The following GRIK2 variants were observed in gnomAD, a reference collection of about 807,000 sequenced individuals.
GRIK2 encodes the protein glutamate ionotropic receptor kainate type subunit 2.
In GRIK2, 32 loss-of-function variants were observed where a neutral mutation model predicts 100.3. The observed-to-expected ratio is 0.32, with a 90% CI of 0.24 to 0.43. The LOEUF (loss-of-function observed/expected upper bound fraction) is 0.43, where lower values mean the gene tolerates loss of function less well. GRIK2 is among the 20% of genes least tolerant of loss of function. The probability of loss-of-function intolerance (pLI) is 1.00; values close to 1 mark genes in which losing one functional copy is unlikely to be tolerated. For missense variants in GRIK2, 843 were observed against 1,114.9 expected (o/e 0.76, Z 3.47); for synonymous variants, 417 against 389.4 (o/e 1.07, Z -0.83).
At chr6:101,925,999 T>G (rs1382248080) in intron 13 of GRIK2, among the ~76,000 whole-genome samples, 1 of 151,354 alleles carries the variant, frequency 6.6e-6, no homozygotes, top group Non-Finnish European at 1.5e-5. Flanking sequence ...GAAATGTTTA[T>G]TGTATAATTA....
chr6:101,784,063 G>C (rs1779271370), intron 7 of GRIK2, among the ~76,000 whole-genome samples: 1 of 152,230 alleles, frequency 6.6e-6, no homozygotes, highest in Non-Finnish European at 1.5e-5. Context: ...ATTCAAGCCA[G>C]CTGCAGAAAT....
intron 9 of GRIK2, among the ~76,000 whole-genome samples, chr6:101,816,550 G>A (rs1304203941): frequency 2.0e-5 from 3 of 152,026 alleles, no homozygotes; most frequent in Non-Finnish European, 4.4e-5. Context: ...AATTAGCCGA[G>A]CGTGTTGGCG....
At chr6:101,422,769 T>C in intron 2 of GRIK2, among the ~76,000 whole-genome samples, 1 of 152,052 alleles carries the variant, frequency 6.6e-6, no homozygotes, top group East Asian at 1.9e-4. Context: ...TCAAATGACA[T>C]GATTTAAGTA....
intron 2 of GRIK2, among the ~76,000 whole-genome samples, chr6:101,618,753 G>T (rs1780012981): frequency 6.6e-6 from 1 of 151,328 alleles, no homozygotes; most frequent in Admixed American, 6.6e-5. Flanking sequence ...CATTGATATA[G>T]TCAAACATAT....
intron 15 of GRIK2, among the ~76,000 whole-genome samples, chr6:102,037,973 A>C (rs1417509328): frequency 6.6e-6 from 1 of 151,486 alleles, no homozygotes; most frequent in African/African-American, 2.4e-5. Flanking sequence ...ATAATGTGCT[A>C]TGAATATCAT....
At chr6:101,565,743 C>T (rs1231910440) in intron 2 of GRIK2, among the ~76,000 whole-genome samples, 1 of 151,486 alleles carries the variant, frequency 6.6e-6, no homozygotes, top group Non-Finnish European at 1.5e-5. Flanking sequence ...GGTGCTGACC[C>T]CCACACAGTT....
intron 14 of GRIK2, among the ~76,000 whole-genome samples, chr6:101,963,716 C>G (rs939191129): frequency 1.3e-5 from 2 of 151,940 alleles, no homozygotes; most frequent in South Asian, 2.1e-4. Flanking sequence ...ATTTTATGCT[C>G]TAATTTTTGT....
At position 102,033,247 on chromosome 6, in the gene GRIK2, T is replaced by A. The variant is rs555135132; in HGVS notation, c.2086-2094T>A. On this transcript the variant is annotated intron_variant, in intron 14 of 16. Coordinates refer to ENST00000369134, the MANE Select transcript of GRIK2 (RefSeq NM_021956.5). ...TAATATTTATTTTGCTTGAAAAAAA[T>A]TCTATTATTCTTTCTGGAGGAAGTA... is the stretch of plus-strand genomic sequence containing the variant. Among the ~76,000 whole-genome samples the A allele has an allele frequency of 8.8e-5, 13 of 147,604 alleles. No homozygotes were observed. In the South Asian group the frequency reaches 2.7e-3, roughly 31 times the overall value.
intron 9 of GRIK2, among the ~76,000 whole-genome samples, chr6:101,811,998 CA>C (rs1292110498): frequency 1.3e-5 from 2 of 150,742 alleles, no homozygotes; most frequent in Non-Finnish European, 3.0e-5. Flanking sequence ...TCCTGAAAAA[CA>C]AAACCTATAG....
At chr6:101,431,777 G>A (rs546722963) in intron 2 of GRIK2, among the ~76,000 whole-genome samples, 1 of 152,250 alleles carries the variant, frequency 6.6e-6, no homozygotes, top group South Asian at 2.1e-4. Flanking sequence ...TGATTTAATA[G>A]TATTATTAAA....
At chr6:101,663,999 T>C (rs1337469315) in intron 4 of GRIK2, among the ~76,000 whole-genome samples, 2 of 152,172 alleles carry the variant, frequency 1.3e-5, no homozygotes, top group Admixed American at 6.5e-5. Context: ...GTCATCTGTG[T>C]TATAAAATGG....
intron 2 of GRIK2, among the ~76,000 whole-genome samples, chr6:101,505,214 C>G (rs371447350): frequency 1.3e-5 from 2 of 151,904 alleles, no homozygotes; most frequent in Non-Finnish European, 2.9e-5. Context: ...TTTTCTTTAC[C>G]AGTTTTCAGT....
intron 14 of GRIK2, among the ~76,000 whole-genome samples, chr6:101,967,633 A>G (rs1413182130): frequency 6.6e-6 from 1 of 152,074 alleles, no homozygotes; most frequent in Admixed American, 6.6e-5. Context: ...AAACCCAACC[A>G]AAAACTTTCT....
intron 7 of GRIK2, among the ~76,000 whole-genome samples, chr6:101,761,775 C>CCCTCCCTCCCTG (rs1777690973): frequency 8.0e-6 from 1 of 124,408 alleles, no homozygotes; most frequent in East Asian, 3.0e-4. Flanking sequence ...CCATTTCCCT[C>CCCTCCCTCCCTG]CCTCCCTCCC....
intron 7 of GRIK2, among the ~76,000 whole-genome samples, chr6:101,707,934 C>T (rs543857369): frequency 2.0e-4 from 31 of 151,752 alleles, no homozygotes; most frequent in Middle Eastern, 3.4e-3. Flanking sequence ...GTGTTTGGTA[C>T]TGCTGATACA....
At chr6:101,904,850 A>G (rs1340331541) in intron 12 of GRIK2, among the ~76,000 whole-genome samples, 1 of 151,564 alleles carries the variant, frequency 6.6e-6, no homozygotes, top group African/African-American at 2.4e-5. Context: ...ATAAATGATC[A>G]GTACTCAAGG....
chr6:101,416,129 G>A lies in GRIK2; in HGVS notation c.115+16737G>A, dbSNP rs116949204. On this transcript the variant is annotated intron_variant, in intron 2 of 16. Transcript: ENST00000369134. ...CAAGGGTGGTTGGACCCCTGCAGAA[G>A]TCCTGTGAAGTGTTTTAGGCCAGTG... Among the ~76,000 whole-genome samples, 229 of 152,328 alleles carry A rather than the reference G, an allele frequency of 1.5e-3. 4 individuals are homozygous for A. The East Asian group carries it at 0.037, about 25-fold the overall frequency.
intron 1 of GRIK2, among the ~76,000 whole-genome samples, chr6:101,395,323 A>G (rs543305053): frequency 6.6e-6 from 1 of 152,356 alleles, no homozygotes; most frequent in East Asian, 1.9e-4. Context: ...CAAATGTCAC[A>G]TAACAGCAGG....
At chr6:101,399,518 CT>C in intron 2 of GRIK2, 126 bp downstream of exon 2, 2 of 653,048 alleles carry the variant, frequency 3.1e-6, no homozygotes, top group Non-Finnish European at 2.8e-6. Context: ...CTGTCGTCTC[CT>C]GGGGCTTTTA....
Sources: gnomAD v4.1 joint callset for allele counts (sites outside exome capture counted in the v4.1 genomes callset) on GRCh38, gnomAD v4.1.1 for gene constraint, MANE v1.5 for transcripts, NCBI Gene and HGNC (gene_info 2026-07-23, HGNC 2026-07-21) for gene names.